ERI3: variants seen among roughly 807,000 people sequenced by gnomAD.
The protein encoded by ERI3 is ERI1 exoribonuclease 3.
In ERI3, 18 loss-of-function variants were observed where a neutral mutation model predicts 44.4. That is an observed-to-expected ratio of 0.41 (90% CI 0.28 to 0.60). The LOEUF is 0.60. Ranked by LOEUF, ERI3 falls within the 20% of genes least tolerant of loss-of-function variation. The probability of loss-of-function intolerance (pLI) is 0.36; values close to 1 mark genes in which losing one functional copy is unlikely to be tolerated. For synonymous variants in ERI3, 183 were observed against 164.8 expected, an observed-to-expected ratio of 1.11 and a Z score of -0.84; for missense variants, 294 against 435.5, an observed-to-expected ratio of 0.68 and a Z score of 2.89.
intron 3 of ERI3, among the ~76,000 whole-genome samples, chr1:44,331,219 C>T (rs1646420776): frequency 1.3e-5 from 2 of 152,238 alleles, no homozygotes; most frequent in East Asian, 1.9e-4. Context: ...TGTTAGTCAG[C>T]CAGCTATTTA....
chr1:44,313,038 T>C, intron 5 of ERI3, 131 bp downstream of exon 5: 1 of 784,736 alleles, frequency 1.3e-6, no homozygotes, highest in Non-Finnish European at 2.2e-6. Context: ...ATGTCACTGA[T>C]GTGACAGCAA....
Position 44,339,186 on chromosome 1 carries a change from G to A in ERI3, c.348C>T (p.Cys116=). 6.2e-7 allele frequency: 1 copy of A among 1,614,066 alleles called. No individual in the cohort carries two copies. Among genetic ancestry groups the A allele is most frequent in the Non-Finnish European group, 8.5e-7 (1 of 1,180,004 alleles). Residue 116 remains cysteine (C), a synonymous_variant, in exon 3 of 9, where the codon TGC becomes TGT. Coordinates refer to ENST00000372257, the MANE Select transcript of ERI3 (RefSeq NM_024066.3). The part of the protein sequence containing the change: ...LFSPCGVPEF[C]SISTRKLAAH... The stretch of plus-strand genomic sequence containing the variant: ...CCGCCAGCTTTCTGGTGGATATGGA[G>A]CAGAACTCCGGAACACCACAGGGAG...
intron 6 of ERI3, among the ~76,000 whole-genome samples, chr1:44,294,518 GGGAAATA>G (rs544981565): frequency 1.7e-3 from 265 of 152,294 alleles, no homozygotes; most frequent in African/African-American, 5.8e-3. Context: ...CCCCTCTCTA[GGGAAATA>G]ATAAGACAAG....
At chr1:44,259,496 A>T (rs1644844293) in intron 7 of ERI3, among the ~76,000 whole-genome samples, 1 of 152,160 alleles carries the variant, frequency 6.6e-6, no homozygotes, top group Non-Finnish European at 1.5e-5. Flanking sequence ...AAGGCCATTC[A>T]GGGGCCCTCC....
intron 7 of ERI3, among the ~76,000 whole-genome samples, chr1:44,264,535 C>A (rs1025610594): frequency 1.3e-5 from 2 of 152,260 alleles, no homozygotes; most frequent in African/African-American, 2.4e-5. Flanking sequence ...GGTAATCATG[C>A]CGCCAGGCTG....
chr1:44,352,898 G>T lies in ERI3; in HGVS notation c.163C>A (p.Pro55Thr). 1 of 1,614,148 alleles carries T rather than the reference G, an allele frequency of 6.2e-7. No homozygotes were observed. Among genetic ancestry groups the T allele is most frequent in the East Asian group, 2.2e-5 (1 of 44,884 alleles). ...GHWGFPALTE[P>T]SASPAAGLGI... ...AGACCGGCAGCTGGGGATGCTGAAG[G>T]TTCTGTGAGAGCTGGAAAGCCCCAA... is the stretch of plus-strand genomic sequence containing the variant. The change falls in exon 2 of 9, where the codon CCT becomes ACT. Residue 55 changes from proline to threonine, a missense_variant. Physicochemically the swap from Pro to Thr is conservative, Grantham distance 38. Around this residue, in one of 2 missense-constraint regions of ERI3, gnomAD observed 107 missense variants for 96.9 expected, o/e 1.10. Coordinates refer to ENST00000372257, the MANE Select transcript of ERI3 (RefSeq NM_024066.3).
At chr1:44,292,080 T>C (rs1276423947) in intron 6 of ERI3, among the ~76,000 whole-genome samples, 1 of 152,216 alleles carries the variant, frequency 6.6e-6, no homozygotes, top group Non-Finnish European at 1.5e-5. Flanking sequence ...GAAGGGATTC[T>C]GGCTATAAGG....
At chr1:44,270,602 A>C (rs1645070180) in intron 7 of ERI3, among the ~76,000 whole-genome samples, 1 of 152,122 alleles carries the variant, frequency 6.6e-6, no homozygotes, top group Non-Finnish European at 1.5e-5. Flanking sequence ...GACTCAAGAG[A>C]GGCAGGTGAG....
At chr1:44,276,101 T>C (rs1487853562) in intron 7 of ERI3, among the ~76,000 whole-genome samples, 1 of 152,134 alleles carries the variant, frequency 6.6e-6, no homozygotes, top group Admixed American at 6.5e-5. Flanking sequence ...AACAACCAGC[T>C]CTCTTGGGAA....
intron 7 of ERI3, among the ~76,000 whole-genome samples, chr1:44,276,891 C>T (rs1262668377): frequency 1.3e-5 from 2 of 148,660 alleles, no homozygotes; most frequent in African/African-American, 2.4e-5. Context: ...CACAACCAGG[C>T]AGCTGAGGTC....
intron 1 of ERI3, 69 bp from the exon 2 acceptor site, chr1:44,352,994 A>T: frequency 6.2e-7 from 1 of 1,600,970 alleles, no homozygotes. Context: ...CATGAAGGAT[A>T]CTACACCTCA....
chr1:44,320,400 A>G (rs161722), intron 3 of ERI3, among the ~76,000 whole-genome samples: 150,869 of 152,270 alleles, frequency 0.99, 74,753 homozygotes, highest in Middle Eastern at 1. Context: ...AGAGAAGGAC[A>G]AGGAGTGACA....
At position 44,310,959 on chromosome 1, in the gene ERI3, GCGCGCACACACACACACA is replaced by G. The variant is rs1387236157; in HGVS notation, c.666+2192_666+2209del. 3.7e-4 allele frequency among the ~76,000 whole-genome samples: 30 copies of G among 81,286 alleles called. 1 individual carries two copies. In the East Asian group the frequency reaches 4.6e-3, roughly 12 times the overall value. The allele number at this position is 81,286 out of a possible 152,430, so 53.3% of individuals were successfully genotyped here. A position where few individuals can be genotyped will look rare whatever the true frequency, so the allele number is the denominator to read the frequency against. On this transcript the variant is annotated intron_variant, in intron 5 of 8. Transcript: ENST00000372257. ...TTGCATGTATGTGCACATCGCGCGCGCGCGCACACACACACACACACACACACACACACACACACACAC... is the reference window on the plus strand; with the variant it reads ...TTGCATGTATGTGCACATCGCGCGCGCACACACACACACACACACACACAC...
chr1:44,327,191 T>C (rs774678032), intron 3 of ERI3, among the ~76,000 whole-genome samples: 9 of 152,230 alleles, frequency 5.9e-5, no homozygotes, highest in African/African-American at 9.6e-5. Flanking sequence ...GGTTATGTGC[T>C]AGAGAGGTCC....
chr1:44,291,414 T>C (rs1166740233), intron 6 of ERI3, among the ~76,000 whole-genome samples: 1 of 152,226 alleles, frequency 6.6e-6, no homozygotes, highest in African/African-American at 2.4e-5. Flanking sequence ...AGAAAAGCAC[T>C]GCCCAGGTGG....
At chr1:44,318,562 A>C (rs1408113893) in intron 4 of ERI3, among the ~76,000 whole-genome samples, 1 of 152,246 alleles carries the variant, frequency 6.6e-6, no homozygotes, top group Non-Finnish European at 1.5e-5. Flanking sequence ...GGATGCCTGC[A>C]ACAAAAGCCC....
intron 6 of ERI3, among the ~76,000 whole-genome samples, chr1:44,297,009 T>C (rs1645624834): frequency 6.6e-6 from 1 of 152,108 alleles, no homozygotes; most frequent in African/African-American, 2.4e-5. Flanking sequence ...CGTGATTTGT[T>C]AGTAATTATT....
intron 3 of ERI3, among the ~76,000 whole-genome samples, chr1:44,329,500 A>C (rs551376322): frequency 6.6e-6 from 1 of 152,320 alleles, no homozygotes; most frequent in East Asian, 1.9e-4. Flanking sequence ...CGTTCAGTTG[A>C]CCAGCTGGCC....
chr1:44,238,341 G>A (rs970192546), intron 8 of ERI3, among the ~76,000 whole-genome samples: 4 of 152,192 alleles, frequency 2.6e-5, no homozygotes, highest in South Asian at 2.1e-4. Context: ...CGGCAGCTCC[G>A]GTTTATCGCA....
Sources: allele counts gnomAD v4.1 joint callset (sites outside exome capture counted in the v4.1 genomes callset), GRCh38; gene constraint gnomAD v4.1.1; regional missense constraint gnomAD v4.1.1; transcripts MANE v1.5; gene names NCBI Gene and HGNC (gene_info 2026-07-23, HGNC 2026-07-21).